The following TRIM2 variants were observed in gnomAD, a reference collection of about 807,000 sequenced individuals.
TRIM2 encodes the protein tripartite motif containing 2.
In TRIM2, 20 loss-of-function variants were observed where a neutral mutation model predicts 75.2. The observed-to-expected ratio is 0.27, with a 90% confidence interval of 0.19 to 0.39. The LOEUF is 0.39. TRIM2 is among the 10% of genes least tolerant of loss of function. The pLI is 1.00. For missense variants in TRIM2, 660 were observed against 990.8 expected (o/e 0.67, Z 4.48); for synonymous variants, 373 against 388.3 (o/e 0.96, Z 0.46).
upstream of TRIM2, among the ~76,000 whole-genome samples, chr4:153,200,724 A>AATATATAT (rs1328920767): frequency 6.5e-5 from 9 of 138,122 alleles, no homozygotes; most frequent in Non-Finnish European, 4.7e-5. Flanking sequence ...AAGAAAAAAA[A>AATATATAT]ATATATATAT....
chr4:153,211,050 A>G (rs1579593688), intron 1 of TRIM2, among the ~76,000 whole-genome samples: 1 of 152,174 alleles, frequency 6.6e-6, no homozygotes, highest in Non-Finnish European at 1.5e-5. Context: ...ATCACTGTCC[A>G]GGGGCATTCA....
At chr4:153,203,335 T>C (rs1734638450), upstream of TRIM2, among the ~76,000 whole-genome samples, 1 of 149,816 alleles carries the variant, frequency 6.7e-6, no homozygotes, top group Non-Finnish European at 1.5e-5. Context: ...TGCACAATGA[T>C]TGTGCCTGTG....
intron 4 of TRIM2, 21 bp from the exon 5 acceptor site, chr4:153,294,284 C>T (rs1286928182): frequency 6.2e-7 from 1 of 1,610,990 alleles, no homozygotes. Flanking sequence ...TAAATAACGA[C>T]CTTTAACAAC....
chr4:153,298,896 G>C (rs1000422197), intron 6 of TRIM2, among the ~76,000 whole-genome samples: 1 of 151,968 alleles, frequency 6.6e-6, no homozygotes, highest in African/African-American at 2.4e-5. Flanking sequence ...ACCAAGCCCA[G>C]CTAATTTTTG....
chr4:153,258,162 C>G (rs997476543), intron 1 of TRIM2, among the ~76,000 whole-genome samples: 6 of 152,130 alleles, frequency 3.9e-5, no homozygotes, highest in East Asian at 1.9e-4. Flanking sequence ...ACCCTCCCCC[C>G]ACTCTGTCCT....
intron 1 of TRIM2, among the ~76,000 whole-genome samples, chr4:153,264,376 T>C (rs1754371654): frequency 6.6e-6 from 1 of 152,194 alleles, no homozygotes; most frequent in South Asian, 2.1e-4. Flanking sequence ...TCGAGCTTCT[T>C]TACAGGCGAA....
At chr4:153,153,630 G>T (rs2149581361) in intron 1 of TRIM2, among the ~76,000 whole-genome samples, 1 of 152,346 alleles carries the variant, frequency 6.6e-6, no homozygotes, top group East Asian at 1.9e-4. Flanking sequence ...ATGGAGAGAA[G>T]GCGCGTTTTA....
intron 1 of TRIM2, among the ~76,000 whole-genome samples, chr4:153,158,423 G>T (rs1729436814): frequency 6.6e-6 from 1 of 152,144 alleles, no homozygotes; most frequent in South Asian, 2.1e-4. Flanking sequence ...TTGTATAGTG[G>T]CAAATCAAAA....
At position 153,339,022 on chromosome 4, in the gene TRIM2, T is replaced by C. The variant is rs1772796451; in HGVS notation, c.*4056T>C. ...CATCTTTATAGGTCTGTTTCATATG[T>C]TTTATGTATAGAACACTAAGTCTTG... On this transcript the variant is annotated 3_prime_UTR_variant, in exon 12 of 12. Coordinates refer to ENST00000338700, the MANE Select transcript of TRIM2 (RefSeq NM_015271.5). 1 of 985,622 alleles carries C rather than the reference T, an allele frequency of 1.0e-6. No homozygotes were observed. The highest frequency in any genetic ancestry group is 1.7e-5 in the African/African-American group (1 of 57,226). 61.1% of individuals were successfully genotyped at this position (985,622 alleles called of 1,614,324 possible).
intron 6 of TRIM2, chr4:153,309,721 T>C (rs1765837782): frequency 6.6e-6 from 1 of 151,978 alleles, no homozygotes; most frequent in East Asian, 1.9e-4. Flanking sequence ...CCTCCTGGGT[T>C]CAAACAATTC....
intron 2 of TRIM2, among the ~76,000 whole-genome samples, chr4:153,273,442 ATTTTTTTTTT>A (rs11459214): frequency 5.2e-5 from 4 of 77,648 alleles, no homozygotes; most frequent in South Asian, 7.5e-4. Context: ...CGCCCGGCTA[ATTTTTTTTTT>A]TTTTTTTTTT....
intron 1 of TRIM2, among the ~76,000 whole-genome samples, chr4:153,225,950 A>G (rs920563352): frequency 1.3e-5 from 2 of 152,218 alleles, no homozygotes; most frequent in African/African-American, 2.4e-5. Flanking sequence ...GGTTCACAGC[A>G]TCTTCCAACT....
At chr4:153,242,755 G>A (rs1258835301) in intron 1 of TRIM2, among the ~76,000 whole-genome samples, 1 of 152,232 alleles carries the variant, frequency 6.6e-6, no homozygotes, top group Non-Finnish European at 1.5e-5. Flanking sequence ...GGACGCTGGG[G>A]CAGATGGAGA....
chr4:153,234,539 CAA>C (rs1237109353), intron 1 of TRIM2, among the ~76,000 whole-genome samples: 1 of 152,198 alleles, frequency 6.6e-6, no homozygotes, highest in Non-Finnish European at 1.5e-5. Flanking sequence ...ATCTCAGTCA[CAA>C]AAGTTTGGAA....
intron 1 of TRIM2, among the ~76,000 whole-genome samples, chr4:153,165,553 G>A (rs556815592): frequency 9.2e-5 from 14 of 152,146 alleles, no homozygotes; most frequent in African/African-American, 2.2e-4. Context: ...GGCTGGTCTC[G>A]AACTCCCGGG....
intron 1 of TRIM2, among the ~76,000 whole-genome samples, chr4:153,214,171 A>T (rs1389206733): frequency 6.6e-6 from 1 of 152,214 alleles, no homozygotes; most frequent in Non-Finnish European, 1.5e-5. Flanking sequence ...TACATCTTAC[A>T]AAAGTGCTTT....
chr4:153,275,753 A>G (rs1347336696), intron 2 of TRIM2, 140 bp from the exon 3 acceptor site: 1 of 757,696 alleles, frequency 1.3e-6, no homozygotes, highest in African/African-American at 1.7e-5. Flanking sequence ...TGGTTTCTGA[A>G]ATATTATTTT....
intron 10 of TRIM2, among the ~76,000 whole-genome samples, chr4:153,327,116 A>G (rs545883944): frequency 6.6e-6 from 1 of 152,192 alleles, no homozygotes; most frequent in Non-Finnish European, 1.5e-5. Flanking sequence ...ACAATGTGTT[A>G]TGTAAAAGGA....
At chr4:153,332,977 C>T (rs918320753) in intron 11 of TRIM2, among the ~76,000 whole-genome samples, 2 of 152,018 alleles carry the variant, frequency 1.3e-5, no homozygotes, top group African/African-American at 4.8e-5. Context: ...GCTGTCTGTC[C>T]CAGAGAAGTG....
Sources: gnomAD v4.1 joint callset for allele counts (sites outside exome capture counted in the v4.1 genomes callset) on GRCh38, gnomAD v4.1.1 for gene constraint, MANE v1.5 for transcripts, NCBI Gene and HGNC (gene_info 2026-07-23, HGNC 2026-07-21) for gene names.